The following TCERG1 variants were observed in gnomAD, a reference collection of about 807,000 sequenced individuals.
TCERG1 encodes transcription elongation regulator 1.
TCERG1 carries 37 observed loss-of-function variants against 144.7 expected under a neutral mutation model. The observed-to-expected ratio is 0.26, with a 90% CI of 0.20 to 0.34. TCERG1 has a LOEUF of 0.34. Among genes scored for constraint, TCERG1 ranks in the 10% least tolerant of loss-of-function variants. The pLI is 1.00. For synonymous variants in TCERG1, 492 were observed against 458.2 expected (o/e 1.07, Z -0.94); for missense variants, 1,027 against 1,380.7 (o/e 0.74, Z 4.06).
chr5:146,479,207 G>A (rs1020814598), intron 10 of TCERG1, among the ~76,000 whole-genome samples: 1 of 151,948 alleles, frequency 6.6e-6, no homozygotes, highest in African/African-American at 2.4e-5. Context: ...TTTCTTATTG[G>A]TAATTTGCCC....
At chr5:146,501,789 C>A (rs574967107) in intron 17 of TCERG1, among the ~76,000 whole-genome samples, 30 of 151,970 alleles carry the variant, frequency 2.0e-4, no homozygotes, top group Non-Finnish European at 1.0e-4. Context: ...GTGGAGAAAT[C>A]CACAGCCAAT....
intron 15 of TCERG1, 143 bp from the exon 16 acceptor site, chr5:146,492,777 T>C: frequency 1.8e-6 from 1 of 545,438 alleles, no homozygotes; most frequent in Non-Finnish European, 3.2e-6. Flanking sequence ...AAGTGAAACT[T>C]GGTATAGATT....
chr5:146,494,800 G>C (rs1229148405), intron 16 of TCERG1, among the ~76,000 whole-genome samples: 1 of 152,078 alleles, frequency 6.6e-6, no homozygotes, highest in Non-Finnish European at 1.5e-5. Flanking sequence ...CCTGTCTCTT[G>C]TATGTCGTTT....
chr5:146,509,299 C>G, intron 22 of TCERG1, 54 bp downstream of exon 22: 1 of 1,189,836 alleles, frequency 8.4e-7, no homozygotes, highest in Non-Finnish European at 1.2e-6. Flanking sequence ...CTAGTCTTTA[C>G]TCTAATGGTC....
Position 146,503,827 on chromosome 5 carries a change from T to C in TCERG1, c.2602T>C (p.Leu868=). The C allele has an allele frequency of 6.3e-7, 1 of 1,585,758 alleles. No individual in the cohort carries two copies. The highest frequency in any genetic ancestry group is 8.5e-7 in the Non-Finnish European group (1 of 1,172,506). ...KQYIEKIAKN[L]DSEKEKELER... is the part of the protein sequence containing the mutation. Reference sequence around the variant, plus strand: ...AATGTAGTTTTTGCTTTTACAGAATTTAGACTCAGAAAAAGAAAAGGAGCT... The same window carrying C: ...AATGTAGTTTTTGCTTTTACAGAATCTAGACTCAGAAAAAGAAAAGGAGCT... Residue 868 remains leucine, a synonymous_variant, in exon 19 of 23, where the codon TTA becomes CTA. Coordinates refer to ENST00000679501, the MANE Select transcript of TCERG1 (RefSeq NM_001382548.1).
intron 5 of TCERG1, 40 bp downstream of exon 5, chr5:146,463,833 T>G: frequency 6.2e-7 from 1 of 1,611,688 alleles, no homozygotes; most frequent in Non-Finnish European, 8.5e-7. Flanking sequence ...AGCTATGTTT[T>G]CATATTGTCA....
At chr5:146,459,600 C>T (rs12660030) in intron 4 of TCERG1, among the ~76,000 whole-genome samples, 21,179 of 152,152 alleles carry the variant, frequency 0.14, 2,482 homozygotes, top group East Asian at 0.71. Flanking sequence ...ACAGTAATGC[C>T]GGGCATTGTG....
chr5:146,505,019 C>T (rs368414226), intron 19 of TCERG1, among the ~76,000 whole-genome samples: 2 of 151,286 alleles, frequency 1.3e-5, no homozygotes, highest in South Asian at 2.1e-4. Flanking sequence ...GCACTCCAGC[C>T]TGGCGACAGA....
chr5:146,460,343 T>C (rs1308198810), intron 4 of TCERG1, among the ~76,000 whole-genome samples: 2 of 151,776 alleles, frequency 1.3e-5, no homozygotes, highest in African/African-American at 2.4e-5. Flanking sequence ...TTTTTTCTTT[T>C]TTCTTTTTTT....
In TCERG1 at chr5:146,496,129, A is replaced by G. The variant is rs149967676; in HGVS notation, c.2283-2407A>G. ...ATCGCGCCACTGGTTAAAGCTTCAA[A>G]TATTTAAACTATATACCAAATATAT... is the stretch of plus-strand genomic sequence containing the variant. On this transcript the variant is annotated intron_variant, in intron 16 of 22. Transcript: ENST00000679501. 8.5e-5 allele frequency among the ~76,000 whole-genome samples: 13 copies of G among 152,364 alleles called. No homozygotes were observed. In the East Asian group the frequency reaches 2.5e-3, roughly 29 times the overall value.
Position 146,470,702 on chromosome 5 carries a change from C to T in TCERG1, c.1466C>T (p.Thr489Met), listed in dbSNP as rs148862130. Residue 489 changes from threonine (T) to methionine (M), a missense_variant, in exon 8 of 23, where the codon ACG becomes ATG. Physicochemically the swap from Thr to Met is moderately conservative, Grantham distance 81. Around this residue, in one of 6 missense-constraint regions of TCERG1, gnomAD observed 482 missense variants for 632.6 expected, o/e 0.76. Coordinates refer to ENST00000679501, the MANE Select transcript of TCERG1 (RefSeq NM_001382548.1). ...EPSEEPLPME[T>M]EEEDPKEEPI... ...TCTGAAGAGCCTCTGCCAATGGAGACGGAGGAGGAGGATCCTAAAGAAGAG... is the reference window on the plus strand; with the variant it reads ...TCTGAAGAGCCTCTGCCAATGGAGATGGAGGAGGAGGATCCTAAAGAAGAG... 2.4e-4 allele frequency: 383 copies of T among 1,613,286 alleles called. No individual in the cohort carries two copies. Among genetic ancestry groups the T allele is most frequent in the Non-Finnish European group, 3.1e-4 (366 of 1,179,780 alleles).
chr5:146,458,529 G>C (rs182399966), intron 3 of TCERG1, among the ~76,000 whole-genome samples: 66 of 151,954 alleles, frequency 4.3e-4, no homozygotes, highest in African/African-American at 1.5e-3. Context: ...CTGGAGTGCA[G>C]TGGTATGATC....
chr5:146,490,943 G>GT (rs1276862214), intron 15 of TCERG1, among the ~76,000 whole-genome samples: 1 of 151,488 alleles, frequency 6.6e-6, no homozygotes, highest in Non-Finnish European at 1.5e-5. Flanking sequence ...GTTTTTTGAG[G>GT]TTTTTCTTGC....
chr5:146,477,093 T>A (rs557542980), intron 9 of TCERG1, among the ~76,000 whole-genome samples: 4 of 152,170 alleles, frequency 2.6e-5, no homozygotes, highest in Non-Finnish European at 5.9e-5. Context: ...ATTCACTGAT[T>A]GTTTCCTGGC....
rs531370076 is a variant in TCERG1 at position 146,452,736 on chromosome 5, T to C, written c.60-2320T>C. 2.3e-3 allele frequency among the ~76,000 whole-genome samples: 343 copies of C among 152,284 alleles called. 1 individual carries two copies. Among genetic ancestry groups the C allele is most frequent in the Non-Finnish European group, 3.2e-3 (216 of 68,020 alleles). On this transcript the variant is annotated intron_variant, in intron 1 of 22. Coordinates refer to ENST00000679501, the MANE Select transcript of TCERG1 (RefSeq NM_001382548.1). Reference sequence around the variant, plus strand: ...TCCCAAGTAGCTGAGATTACAGGCGTGCACCACCATGCCCGGCTAATTTTT... The same window carrying C: ...TCCCAAGTAGCTGAGATTACAGGCGCGCACCACCATGCCCGGCTAATTTTT...
At chr5:146,483,045 T>A (rs566964688) in intron 14 of TCERG1, among the ~76,000 whole-genome samples, 1 of 152,298 alleles carries the variant, frequency 6.6e-6, no homozygotes, top group Non-Finnish European at 1.5e-5. Flanking sequence ...TATATATGAT[T>A]ATTCTTCCTT....
At position 146,510,525 on chromosome 5, in the gene TCERG1, G is replaced by A. The variant is rs1359606053; in HGVS notation, c.3231G>A (p.Leu1077=). 1 of 1,614,088 alleles carries A rather than the reference G, an allele frequency of 6.2e-7. No homozygotes were observed. The highest frequency in any genetic ancestry group is 1.7e-5 in the Admixed American group (1 of 60,024). Residue 1077 remains leucine (L), a synonymous_variant, in exon 23 of 23, where the codon CTG becomes CTA. Coordinates refer to ENST00000679501, the MANE Select transcript of TCERG1 (RefSeq NM_001382548.1). ...ILQNDKRYLV[L]DCVPEERRKL... is the part of the protein sequence containing the mutation. ...AGAATGACAAACGGTATCTAGTACT[G>A]GACTGTGTGCCAGAGGAGAGGCGTA...
At chr5:146,500,665 G>A (rs1277910875) in intron 17 of TCERG1, among the ~76,000 whole-genome samples, 3 of 152,120 alleles carry the variant, frequency 2.0e-5, no homozygotes, top group Non-Finnish European at 4.4e-5. Flanking sequence ...CTCACAGTAA[G>A]AGCATCATTT....
At chr5:146,464,366 A>G (rs1030327050) in intron 5 of TCERG1, among the ~76,000 whole-genome samples, 24 of 152,246 alleles carry the variant, frequency 1.6e-4, no homozygotes, top group African/African-American at 5.3e-4. Context: ...AGAAAATGTG[A>G]GTGATTTAAC....
Sources: gnomAD v4.1 joint callset for allele counts (sites outside exome capture counted in the v4.1 genomes callset) on GRCh38, gnomAD v4.1.1 for gene constraint, gnomAD v4.1.1 regional missense constraint, MANE v1.5 for transcripts, NCBI Gene and HGNC (gene_info 2026-07-23, HGNC 2026-07-21) for gene names.